Variants in DNAH9 observed in about 807,000 individuals in gnomAD.
The protein encoded by DNAH9 is DNAH9 variant protein.
Under a neutral mutation model 471.6 loss-of-function variants are expected in DNAH9, and 345 were observed. That is an observed-to-expected ratio of 0.73 (90% CI 0.67 to 0.80). The LOEUF (loss-of-function observed/expected upper bound fraction) is 0.80, where lower values mean the gene tolerates loss of function less well. Among genes scored for constraint, DNAH9 ranks in the 30% least tolerant of loss-of-function variants. The pLI is 0.00. For missense variants in DNAH9, 5,407 were observed against 5,609.2 expected (o/e 0.96, Z 1.15); for synonymous variants, 2,093 against 2,123.6 (o/e 0.99, Z 0.40).
intron 25 of DNAH9, 96 bp from the exon 26 acceptor site, chr17:11,704,929 G>A: frequency 1.0e-6 from 1 of 993,146 alleles, no homozygotes; most frequent in Non-Finnish European, 1.6e-6. Flanking sequence ...TTTAGCAGCA[G>A]TCAACAGCCA....
At chr17:11,865,858 C>G (rs1003289012) in intron 50 of DNAH9, among the ~76,000 whole-genome samples, 16 of 151,352 alleles carry the variant, frequency 1.1e-4, no homozygotes, top group Admixed American at 3.3e-4. Context: ...CGTGCCTTGG[C>G]TTTCAGCTCC....
intron 29 of DNAH9, among the ~76,000 whole-genome samples, chr17:11,740,055 G>A (rs1242260945): frequency 3.9e-5 from 6 of 152,158 alleles, no homozygotes; most frequent in Non-Finnish European, 1.5e-5. Context: ...CTGGGGTGAC[G>A]GGGCCTTCTC....
chr17:11,861,435 T>C (rs1971844264), intron 50 of DNAH9, among the ~76,000 whole-genome samples: 2 of 151,978 alleles, frequency 1.3e-5, no homozygotes, highest in African/African-American at 4.8e-5. Flanking sequence ...TGTTGGACAT[T>C]TGGGTTGGTT....
chr17:11,852,814 G>GTATATATATATA (rs58555259), intron 49 of DNAH9, among the ~76,000 whole-genome samples: 6 of 92,680 alleles, frequency 6.5e-5, no homozygotes, highest in South Asian at 4.3e-4. Context: ...GTGTGTGTGT[G>GTATATATATATA]TATATATATA....
chr17:11,704,500 A>G, intron 25 of DNAH9, 58 bp downstream of exon 25: 2 of 1,574,282 alleles, frequency 1.3e-6, no homozygotes, highest in Non-Finnish European at 1.7e-6. Flanking sequence ...TGAGAACAGC[A>G]CATACAGCCA....
At chr17:11,661,763 T>G (rs2073768398) in intron 14 of DNAH9, among the ~76,000 whole-genome samples, 1 of 152,118 alleles carries the variant, frequency 6.6e-6, no homozygotes, top group Non-Finnish European at 1.5e-5. Flanking sequence ...CACACACACA[T>G]AATATATATT....
At chr17:11,944,547 G>A (rs1975048378) in intron 67 of DNAH9, among the ~76,000 whole-genome samples, 1 of 152,138 alleles carries the variant, frequency 6.6e-6, no homozygotes, top group South Asian at 2.1e-4. Flanking sequence ...AACAGTGATA[G>A]GGTGAACTTC....
At chr17:11,725,707 A>G (rs773193307) in intron 27 of DNAH9, among the ~76,000 whole-genome samples, 12 of 152,058 alleles carry the variant, frequency 7.9e-5, no homozygotes, top group Non-Finnish European at 1.6e-4. Context: ...TCTCCACTAA[A>G]CATACAAAAA....
At chr17:11,700,611 C>T (rs577951539) in intron 23 of DNAH9, among the ~76,000 whole-genome samples, 50 of 152,094 alleles carry the variant, frequency 3.3e-4, no homozygotes, top group Admixed American at 1.7e-3. Flanking sequence ...AGGGTTCCAC[C>T]CTTATCACCT....
chr17:11,805,690 G>A (rs1597671566), intron 43 of DNAH9, among the ~76,000 whole-genome samples: 1 of 151,630 alleles, frequency 6.6e-6, no homozygotes, highest in South Asian at 2.1e-4. Context: ...TAGCAGGTGG[G>A]ATTACAAGCA....
intron 65 of DNAH9, among the ~76,000 whole-genome samples, chr17:11,935,254 G>A (rs1481869335): frequency 6.6e-6 from 1 of 151,940 alleles, no homozygotes; most frequent in Non-Finnish European, 1.5e-5. Context: ...GAGCCAGCAC[G>A]CCCGGCCTCA....
chr17:11,854,454 C>T (rs1229160435), intron 50 of DNAH9, 26 bp downstream of exon 50: 1 of 1,586,826 alleles, frequency 6.3e-7, no homozygotes, highest in Non-Finnish European at 8.6e-7. Flanking sequence ...GCCCCTCACC[C>T]TGCTAGTCCG....
intron 28 of DNAH9, among the ~76,000 whole-genome samples, chr17:11,736,235 A>G (rs2075344011): frequency 6.6e-6 from 1 of 152,190 alleles, no homozygotes; most frequent in South Asian, 2.1e-4. Context: ...TTCACAGAAA[A>G]TACTCAGGAT....
chr17:11,865,956 T>G (rs1453902029), intron 50 of DNAH9, among the ~76,000 whole-genome samples: 4 of 152,156 alleles, frequency 2.6e-5, no homozygotes, highest in Non-Finnish European at 4.4e-5. Flanking sequence ...TTCTTTGCCT[T>G]TGGTTTGAAT....
Position 11,854,222 on chromosome 17 carries a change from C to G in DNAH9, c.9727C>G (p.Pro3243Ala), listed in dbSNP as rs148330448. ...CGAGAACTGCCTCAAAGCCATCAGG[C>G]CGTATCTGCAAGACCCCGAGTTCAA... The part of the protein sequence containing the change: ...IHENCLKAIR[P>A]YLQDPEFNPE... The change falls in exon 50 of 69, where the codon CCG becomes GCG. Residue 3243 changes from proline to alanine, a missense_variant. Around this residue, in one of 3 missense-constraint regions of DNAH9, gnomAD observed 4,636 missense variants for 4,900.3 expected, o/e 0.95. Transcript: ENST00000262442. 1.9e-6 allele frequency: 3 copies of G among 1,614,072 alleles called. No homozygotes were observed. Among genetic ancestry groups the G allele is most frequent in the Non-Finnish European group, 2.5e-6 (3 of 1,180,050 alleles).
intron 23 of DNAH9, 60 bp downstream of exon 23, chr17:11,699,943 T>C: frequency 1.9e-6 from 3 of 1,564,296 alleles, no homozygotes; most frequent in Non-Finnish European, 2.6e-6. Flanking sequence ...TTCATTCAAA[T>C]ATGATCAGCA....
intron 50 of DNAH9, among the ~76,000 whole-genome samples, chr17:11,861,024 A>G (rs1021736708): frequency 1.7e-5 from 2 of 119,054 alleles, no homozygotes; most frequent in South Asian, 2.6e-4. Context: ...CTTAGCTGTC[A>G]TTCTTTTTTT....
intron 15 of DNAH9, among the ~76,000 whole-genome samples, chr17:11,666,986 A>G (rs1030821984): frequency 2.0e-5 from 3 of 152,158 alleles, no homozygotes; most frequent in Non-Finnish European, 2.9e-5. Flanking sequence ...CCATAGAGAA[A>G]TGTCCCTCCT....
chr17:11,678,080 C>A (rs1274489836), intron 17 of DNAH9, among the ~76,000 whole-genome samples: 1 of 151,634 alleles, frequency 6.6e-6, no homozygotes, highest in Non-Finnish European at 1.5e-5. Flanking sequence ...TTTTGAGATG[C>A]AGTCTCGCTC....
Sources: gnomAD v4.1 joint callset for allele counts (sites outside exome capture counted in the v4.1 genomes callset) on GRCh38, gnomAD v4.1.1 for gene constraint, gnomAD v4.1.1 regional missense constraint, MANE v1.5 for transcripts, NCBI Gene and HGNC (gene_info 2026-07-23, HGNC 2026-07-21) for gene names.